The following NIPAL1 variants were observed in gnomAD, a reference collection of about 807,000 sequenced individuals.
NIPAL1 encodes the protein NIPA like domain containing 1.
Under a neutral mutation model 37.7 loss-of-function variants are expected in NIPAL1, and 35 were observed. That is an observed-to-expected ratio of 0.93 (90% confidence interval 0.71 to 1.23). The LOEUF (loss-of-function observed/expected upper bound fraction) is 1.23, where lower values mean the gene tolerates loss of function less well. NIPAL1 is among the 50% of genes most tolerant of loss of function. The pLI is 0.00. For synonymous variants in NIPAL1, 162 were observed against 183.0 expected (o/e 0.89, Z 0.93); for missense variants, 412 against 473.9 (o/e 0.87, Z 1.21).
At chr4:48,029,977 C>A (rs909370890) in intron 2 of NIPAL1, 143 bp from the exon 3 acceptor site, 1 of 504,250 alleles carries the variant, frequency 2.0e-6, no homozygotes, top group Non-Finnish European at 3.6e-6. Context: ...TTGGAAATGA[C>A]CAAGTAAATA....
intron 1 of NIPAL1, among the ~76,000 whole-genome samples, chr4:48,020,991 A>C (rs996097979): frequency 2.0e-5 from 3 of 152,196 alleles, no homozygotes. Flanking sequence ...AATATTTGAC[A>C]AATTATTTAA....
In NIPAL1 at chr4:48,022,859, A is replaced by G. The variant is rs143752673; in HGVS notation, c.47-2209A>G. The stretch of plus-strand genomic sequence containing the variant: ...AAAAATTAGTTGGGCATGGTGGTGC[A>G]TGCCTGTGGTTCCAGCTACTTGGGA... On this transcript the variant is annotated intron_variant, in intron 1 of 5. Coordinates refer to ENST00000295461, the MANE Select transcript of NIPAL1 (RefSeq NM_207330.3). Among the ~76,000 whole-genome samples the G allele has an allele frequency of 4.9e-3, 748 of 152,132 alleles. 5 individuals are homozygous for G. Among genetic ancestry groups the G allele is most frequent in the African/African-American group, 0.017 (716 of 41,488 alleles).
chr4:48,022,291 A>G (rs1020210663), intron 1 of NIPAL1, among the ~76,000 whole-genome samples: 1 of 152,140 alleles, frequency 6.6e-6, no homozygotes, highest in African/African-American at 2.4e-5. Context: ...TATCTGCTGT[A>G]GGCTCTCTCC....
rs1335995474 is a variant in NIPAL1 at position 48,027,042 on chromosome 4, AAAG to A, written c.313+1712_313+1714del. Among the ~76,000 whole-genome samples the A allele has an allele frequency of 3.3e-5, 5 of 152,078 alleles. No homozygotes were observed. The East Asian group carries it at 5.8e-4, about 18-fold the overall frequency. The stretch of plus-strand genomic sequence containing the variant: ...CAAAAAATGAAATAATTTAAAAAAA[AAAG>A]AAGGCTTTTCTAAGCATAAAGATAA... On this transcript the variant is annotated intron_variant, in intron 2 of 5. Coordinates refer to ENST00000295461, the MANE Select transcript of NIPAL1 (RefSeq NM_207330.3). This position sits in a 1 kb window ranked among gnomAD's most constrained non-coding sequence, Gnocchi z 4.1.
Position 48,038,300 on chromosome 4 carries a change from G to A in NIPAL1, c.*2128G>A, listed in dbSNP as rs1270855586. ...AAATGTGTTTACTCTGTTGATTGCT[G>A]TTTCACTTTACTTGTATATCAGATA... On this transcript the variant is annotated 3_prime_UTR_variant, in exon 6 of 6. Transcript: ENST00000295461. 6.6e-6 allele frequency: 1 copy of A among 152,146 alleles called. No individual in the cohort carries two copies. The highest frequency in any genetic ancestry group is 2.4e-5 in the African/African-American group (1 of 41,424). 9.4% of individuals were successfully genotyped at this position (152,146 alleles called of 1,614,324 possible). A position where few individuals can be genotyped will look rare whatever the true frequency, so the allele number is the denominator to read the frequency against.
rs1463359949 is a variant in NIPAL1 at position 48,027,826 on chromosome 4, G to A, written c.314-2294G>A. Among the ~76,000 whole-genome samples, 1 of 152,186 alleles carries A rather than the reference G, an allele frequency of 6.6e-6. No homozygotes were observed. The highest frequency in any genetic ancestry group is 1.5e-5 in the Non-Finnish European group (1 of 68,026). ...AGCATGACAAGGTAGAGGTTAAGCA[G>A]AGTGCATCTGCCCAATGCTTGTTAT... On this transcript the variant is annotated intron_variant, in intron 2 of 5. Transcript: ENST00000295461. This position sits in a 1 kb window ranked among gnomAD's most constrained non-coding sequence, Gnocchi z 4.1.
At position 48,025,056 on chromosome 4, in the gene NIPAL1, C is replaced by G; in HGVS notation, c.47-12C>G. ...TTTCATTCCTGACATTCTCTTCTTT[C>G]CTTTTTTCCAGGATATGTGCTGTCT... is the stretch of plus-strand genomic sequence containing the variant. On this transcript the variant is annotated splice_polypyrimidine_tract_variant and intron_variant, in intron 1 of 5. Transcript: ENST00000295461. 1 of 1,610,548 alleles carries G rather than the reference C, an allele frequency of 6.2e-7. No homozygotes were observed. The highest frequency in any genetic ancestry group is 8.5e-7 in the Non-Finnish European group (1 of 1,177,672).
chr4:48,018,897 G>A (rs899789328), intron 1 of NIPAL1, among the ~76,000 whole-genome samples: 2 of 152,184 alleles, frequency 1.3e-5, no homozygotes, highest in Non-Finnish European at 2.9e-5. Flanking sequence ...TTCAATGAAA[G>A]CCCCTTACGA....
rs926736187 is a variant in NIPAL1, at chr4:48,039,990, T to G, written c.*3818T>G. ...ACCAGAAAAACTGAACTAAATGCTA[T>G]TTAGCCCCGCCAACAAAGCTTTGTG... On this transcript the variant is annotated 3_prime_UTR_variant, in exon 6 of 6. Coordinates refer to ENST00000295461, the MANE Select transcript of NIPAL1 (RefSeq NM_207330.3). 2 of 152,224 alleles carry G rather than the reference T, an allele frequency of 1.3e-5. No homozygotes were observed. The highest frequency in any genetic ancestry group is 4.8e-5 in the African/African-American group (2 of 41,456). The allele number at this position is 152,224 out of a possible 1,614,324, so 9.4% of individuals were successfully genotyped here.
chr4:48,023,342 G>T (rs2109366319), intron 1 of NIPAL1, among the ~76,000 whole-genome samples: 1 of 152,246 alleles, frequency 6.6e-6, no homozygotes, highest in South Asian at 2.1e-4. Context: ...TCTTAACTTT[G>T]CATGTGGTAA....
rs780523739 is a variant in NIPAL1 at position 48,034,887 on chromosome 4, A to G, written c.468A>G (p.Ile156Met). Residue 156 changes from isoleucine (I) to methionine (M), a missense_variant, in exon 5 of 6, where the codon ATA becomes ATG. Transcript: ENST00000295461. ...ATTTTTTCTCTCCCAACAGTGCAAT[A>G]TTATCTTCCTACTTTTTAAACGAGC... ...LGALSVLISAILSSYFLNEHL... is the reference protein window; with the variant it reads ...LGALSVLISAMLSSYFLNEHL... The G allele has an allele frequency of 1.9e-6, 3 of 1,612,402 alleles. No individual in the cohort carries two copies. In the Admixed American group the frequency reaches 5.0e-5, roughly 27 times the overall value.
In NIPAL1 at chr4:48,038,923, A is replaced by AG. The variant is rs1341314447; in HGVS notation, c.*2753dup. ...CTGATGTTGACATGTATGCATGCCC[A>AG]GGAGGAAGACTGGGAAAGATTTAAT... is the stretch of plus-strand genomic sequence containing the variant. On this transcript the variant is annotated 3_prime_UTR_variant, in exon 6 of 6. Coordinates refer to ENST00000295461, the MANE Select transcript of NIPAL1 (RefSeq NM_207330.3). 1.4e-4 allele frequency: 21 copies of AG among 152,356 alleles called. No individual in the cohort carries two copies. Among genetic ancestry groups the AG allele is most frequent in the African/African-American group, 4.8e-4 (20 of 41,574 alleles). The allele number at this position is 152,356 out of a possible 1,614,324, so 9.4% of individuals were successfully genotyped here. A position where few individuals can be genotyped will look rare whatever the true frequency, so the allele number is the denominator to read the frequency against.
Position 48,025,220 on chromosome 4 carries a change from A to T in NIPAL1, c.199A>T (p.Ser67Cys), listed in dbSNP as rs1715661409. ...TTCAGCAAATGTAGAAAACAAATAC[A>T]GTCTTTATGTGGGCTTGGTACTGGC... ...SISANVENKY[S>C]LYVGLVLAVS... Residue 67 changes from serine to cysteine, a missense_variant, in exon 2 of 6, where the codon AGT (serine) becomes TGT (cysteine). Physicochemically the swap from Ser to Cys is moderately radical, Grantham distance 112 (BLOSUM62 -1). Transcript: ENST00000295461. 1.2e-6 allele frequency: 2 copies of T among 1,614,132 alleles called. No homozygotes were observed. Among genetic ancestry groups the T allele is most frequent in the African/African-American group, 2.7e-5 (2 of 75,034 alleles).
chr4:48,040,113 A>G lies in NIPAL1; in HGVS notation c.*3941A>G, dbSNP rs537988183. 5.9e-5 allele frequency: 9 copies of G among 152,352 alleles called. No homozygotes were observed. In the East Asian group the frequency reaches 1.7e-3, roughly 29 times the overall value. 9.4% of individuals were successfully genotyped at this position (152,352 alleles called of 1,614,324 possible). On this transcript the variant is annotated 3_prime_UTR_variant, in exon 6 of 6. Transcript: ENST00000295461. ...AGTGTTTTTACTGTTGATTTTAGAA[A>G]GTTTATAAATCTTAAATGTTTGTAT...
rs2109374104 is a variant in NIPAL1, at chr4:48,036,530, C to T, written c.*358C>T. 1 of 248,102 alleles carries T rather than the reference C, an allele frequency of 4.0e-6. No individual in the cohort carries two copies. Among genetic ancestry groups the T allele is most frequent in the South Asian group, 5.3e-5 (1 of 18,956 alleles). 15.4% of individuals were successfully genotyped at this position (248,102 alleles called of 1,614,324 possible). A position where few individuals can be genotyped will look rare whatever the true frequency, so the allele number is the denominator to read the frequency against. On this transcript the variant is annotated 3_prime_UTR_variant, in exon 6 of 6. Transcript: ENST00000295461. ...CAGTCATTCACCAATATACAGTTAG[C>T]AGTGTTCTGATAGACACAGTATCAG...
chr4:48,031,313 G>A (rs1446510942), intron 3 of NIPAL1, among the ~76,000 whole-genome samples: 2 of 152,136 alleles, frequency 1.3e-5, no homozygotes, highest in South Asian at 2.1e-4. Context: ...CACCCACCTC[G>A]GCCTTCAGAA....
rs67279375 is a variant in NIPAL1 at position 48,026,720 on chromosome 4, ATTT to A, written c.313+1400_313+1402del. 3.5e-3 allele frequency among the ~76,000 whole-genome samples: 493 copies of A among 142,300 alleles called. 5 individuals carry two copies. The highest frequency in any genetic ancestry group is 0.011 in the African/African-American group (442 of 39,434). 93.4% of individuals were successfully genotyped at this position (142,300 alleles called of 152,430 possible). A position where few individuals can be genotyped will look rare whatever the true frequency, so the allele number is the denominator to read the frequency against. ...GGTTAGAATTTAATTTAAAAATAAA[ATTT>A]TTTTTTTTTTTTTCAGACGGGGCTT... On this transcript the variant is annotated intron_variant, in intron 2 of 5. Coordinates refer to ENST00000295461, the MANE Select transcript of NIPAL1 (RefSeq NM_207330.3).
At chr4:48,030,256 C>G in intron 3 of NIPAL1, 80 bp downstream of exon 3, 1 of 897,444 alleles carries the variant, frequency 1.1e-6, no homozygotes, top group Non-Finnish European at 1.8e-6. Context: ...ATTGGTTAAT[C>G]TTCCTGTCAA....
intron 2 of NIPAL1, among the ~76,000 whole-genome samples, chr4:48,028,808 G>T (rs1416091027): frequency 6.6e-6 from 1 of 152,002 alleles, no homozygotes; most frequent in Admixed American, 6.6e-5. Context: ...ACATATATAT[G>T]AAAAAATCCT....
Sources: gnomAD v4.1 joint callset for allele counts (sites outside exome capture counted in the v4.1 genomes callset) on GRCh38, gnomAD v4.1.1 for gene constraint, Gnocchi (gnomAD v3.1) non-coding constraint, MANE v1.5 for transcripts, NCBI Gene and HGNC (gene_info 2026-07-23, HGNC 2026-07-21) for gene names.